Variants in LCORL observed in about 807,000 individuals in gnomAD.
LCORL encodes ligand dependent nuclear receptor corepressor like, also known as ligand-dependent nuclear receptor corepressor-like protein.
LCORL carries 41 observed loss-of-function variants against 141.8 expected under a neutral mutation model. The ratio of observed to expected loss-of-function variants is 0.29; its 90% CI spans 0.23 to 0.38. The LOEUF (loss-of-function observed/expected upper bound fraction) is 0.38, where lower values mean the gene tolerates loss of function less well. LCORL is among the 10% of genes least tolerant of loss of function. LCORL has a pLI of 1.00. For missense variants in LCORL, 1,759 were observed against 2,035.0 expected (o/e 0.86, Z 2.61); for synonymous variants, 618 against 694.1 (o/e 0.89, Z 1.72).
At chr4:17,915,652 A>C (rs1439159633) in intron 4 of LCORL, among the ~76,000 whole-genome samples, 2 of 152,226 alleles carry the variant, frequency 1.3e-5, no homozygotes, top group African/African-American at 4.8e-5. Flanking sequence ...AAATGAGGTA[A>C]ATATTACTGG....
intron 4 of LCORL, among the ~76,000 whole-genome samples, chr4:17,958,659 G>A (rs866546389): frequency 1.4e-4 from 22 of 151,874 alleles, no homozygotes; most frequent in Admixed American, 2.6e-4. Context: ...CTATATGTAC[G>A]TACAAAATAA....
intron 1 of LCORL, among the ~76,000 whole-genome samples, chr4:18,006,271 C>G (rs1297118107): frequency 1.3e-5 from 2 of 152,070 alleles, no homozygotes; most frequent in African/African-American, 2.4e-5. Context: ...CATCTGATAC[C>G]ACCTCAGCTT....
At chr4:17,842,519 T>C (rs1722511672) in exon 8 of LCORL, 5 of 661,970 alleles carry the variant, frequency 7.6e-6, no homozygotes, top group South Asian at 6.0e-5. Flanking sequence ...CTTAGGTATA[T>C]AGTCTAAAAT....
chr4:18,011,420 T>C (rs1409849522), intron 1 of LCORL, among the ~76,000 whole-genome samples: 2 of 150,596 alleles, frequency 1.3e-5, no homozygotes, highest in African/African-American at 2.4e-5. Context: ...TCATGCTTAT[T>C]ACCCATTTTA....
intron 2 of LCORL, among the ~76,000 whole-genome samples, chr4:17,969,268 G>C (rs140640709): frequency 6.6e-6 from 1 of 152,154 alleles, no homozygotes; most frequent in African/African-American, 2.4e-5. Flanking sequence ...ACTCCAAAAA[G>C]AGAGAATAGT....
At chr4:17,843,205 C>G in exon 8 of LCORL, 9 of 1,318,560 alleles carry the variant, frequency 6.8e-6, no homozygotes, top group Non-Finnish European at 9.4e-6. Flanking sequence ...CAATTAAACA[C>G]TGATAGAATG....
intron 7 of LCORL, among the ~76,000 whole-genome samples, chr4:17,873,086 C>T (rs770998725): frequency 6.6e-6 from 1 of 151,828 alleles, no homozygotes; most frequent in Non-Finnish European, 1.5e-5. Context: ...ATTAGATCTA[C>T]CAAATGCAAA....
chr4:17,894,558 A>T (rs1195501105), intron 5 of LCORL, among the ~76,000 whole-genome samples: 3 of 152,224 alleles, frequency 2.0e-5, no homozygotes, highest in Admixed American at 2.0e-4. Flanking sequence ...CAAGATGAGT[A>T]AAAAGAATTA....
chr4:18,020,059 G>T (rs898253589), intron 1 of LCORL, among the ~76,000 whole-genome samples: 17 of 151,960 alleles, frequency 1.1e-4, no homozygotes, highest in African/African-American at 3.9e-4. Context: ...TTTTTCGTAA[G>T]GGCAAAACAA....
chr4:17,905,035 C>G (rs1265101491), intron 5 of LCORL, among the ~76,000 whole-genome samples: 1 of 152,034 alleles, frequency 6.6e-6, no homozygotes, highest in Non-Finnish European at 1.5e-5. Context: ...TCCATAAGAC[C>G]TGACATAGTT....
At chr4:17,997,348 G>A (rs983970582) in intron 1 of LCORL, among the ~76,000 whole-genome samples, 2 of 152,164 alleles carry the variant, frequency 1.3e-5, no homozygotes, top group African/African-American at 2.4e-5. Context: ...GAGGGTTGGG[G>A]AGGAGGGCTA....
intron 1 of LCORL, among the ~76,000 whole-genome samples, chr4:17,975,813 T>C (rs560268718): frequency 6.6e-6 from 1 of 152,344 alleles, no homozygotes; most frequent in Admixed American, 6.5e-5. Flanking sequence ...GAATATTCCA[T>C]GTAACACGGA....
At chr4:17,902,908 A>G (rs1170873212) in intron 5 of LCORL, among the ~76,000 whole-genome samples, 1 of 152,144 alleles carries the variant, frequency 6.6e-6, no homozygotes. Context: ...ATTAAGAGAA[A>G]ATAATCCTAA....
chr4:17,843,930 C>A (rs1322229996), exon 8 of LCORL: 1 of 152,052 alleles, frequency 6.6e-6, no homozygotes, highest in Non-Finnish European at 1.5e-5. Context: ...TAACGTTCAA[C>A]AACAGTTATT....
At chr4:18,011,930 T>A (rs1445054188) in intron 1 of LCORL, among the ~76,000 whole-genome samples, 1 of 152,234 alleles carries the variant, frequency 6.6e-6, no homozygotes, top group Non-Finnish European at 1.5e-5. Context: ...TGTCTTTCCA[T>A]TACATTACAC....
At chr4:17,978,175 A>G (rs1266231725) in intron 1 of LCORL, among the ~76,000 whole-genome samples, 12 of 152,078 alleles carry the variant, frequency 7.9e-5, no homozygotes, top group African/African-American at 2.4e-4. Context: ...GCTTTTTTGC[A>G]TATCTAATAC....
intron 6 of LCORL, chr4:17,881,645 A>G: frequency 1.0e-6 from 1 of 969,300 alleles, no homozygotes; most frequent in Non-Finnish European, 1.2e-6. Flanking sequence ...AAATGATACA[A>G]AAGTGTTCTG....
At chr4:18,014,010 C>T (rs1216162014) in intron 1 of LCORL, among the ~76,000 whole-genome samples, 1 of 151,962 alleles carries the variant, frequency 6.6e-6, no homozygotes, top group Non-Finnish European at 1.5e-5. Flanking sequence ...GTTGTGTCAT[C>T]TTGGCAAGGC....
At chr4:17,900,364 G>A (rs1730685268) in intron 5 of LCORL, among the ~76,000 whole-genome samples, 1 of 151,922 alleles carries the variant, frequency 6.6e-6, no homozygotes. Context: ...ATATATTCCT[G>A]CCCTGAGTTT....
Sources: gnomAD v4.1 joint callset for allele counts (sites outside exome capture counted in the v4.1 genomes callset) on GRCh38, gnomAD v4.1.1 for gene constraint, MANE v1.5 for transcripts, NCBI Gene and HGNC (gene_info 2026-07-23, HGNC 2026-07-21) for gene names.